Variants in AOPEP observed in about 807,000 individuals in gnomAD.
AOPEP encodes the protein aminopeptidase O.
Under a neutral mutation model 98.1 loss-of-function variants are expected in AOPEP, and 77 were observed. The observed-to-expected ratio is 0.78, with a 90% confidence interval of 0.65 to 0.95. The LOEUF (loss-of-function observed/expected upper bound fraction) is 0.95. Among genes scored for constraint, AOPEP ranks in the 40% least tolerant of loss-of-function variants. AOPEP has a pLI of 0.00. For synonymous variants in AOPEP, 346 were observed against 365.3 expected, an observed-to-expected ratio of 0.95 and a Z score of 0.60; for missense variants, 1,024 against 1,024.7, an observed-to-expected ratio of 1.00 and a Z score of 0.01.
intron 5 of AOPEP, among the ~76,000 whole-genome samples, chr9:94,916,168 C>T (rs2052761257): frequency 1.3e-5 from 2 of 152,162 alleles, no homozygotes; most frequent in Admixed American, 1.3e-4. Context: ...TTCCCTGTAT[C>T]ACAGTGGAGG....
chr9:95,127,460 C>CA, the AOPEP span: 7 of 152,354 alleles, frequency 4.6e-5, no homozygotes, highest in Non-Finnish European at 8.8e-5. Flanking sequence ...CTCAGATCAT[C>CA]AGAGGACAAC....
the AOPEP span, chr9:95,101,653 G>A: frequency 6.2e-7 from 1 of 1,608,482 alleles, no homozygotes; most frequent in East Asian, 2.2e-5. Flanking sequence ...CCTGTCCTGT[G>A]GCCCTGGCGA....
intron 5 of AOPEP, among the ~76,000 whole-genome samples, chr9:94,812,463 T>C (rs919422538): frequency 3.3e-5 from 5 of 152,144 alleles, no homozygotes; most frequent in African/African-American, 1.2e-4. Flanking sequence ...CCACTTTCTC[T>C]TTATACCCCC....
rs1837918685 is a variant in AOPEP at position 94,760,120 on chromosome 9, G to T, written c.337G>T (p.Asp113Tyr). ...AGGTGAAAAAGATACTTCTGATAAA[G>T]ATGGTAACCATGACAACCAGGAACA... ...SKGEKDTSDK[D>Y]GNHDNQEHAS... is the part of the protein sequence containing the mutation. The change falls in exon 2 of 17, where the codon GAT (aspartate) becomes TAT (tyrosine). Residue 113 changes from aspartate (D) to tyrosine (Y), a missense_variant. Physicochemically the swap from Asp to Tyr is radical, Grantham distance 160. Transcript: ENST00000375315. 2 of 1,614,196 alleles carry T rather than the reference G, an allele frequency of 1.2e-6. No individual in the cohort carries two copies. The highest frequency in any genetic ancestry group is 1.3e-5 in the African/African-American group (1 of 75,054).
At chr9:95,089,193 A>G (rs2070832376), downstream of AOPEP, among the ~76,000 whole-genome samples, 1 of 152,212 alleles carries the variant, frequency 6.6e-6, no homozygotes, top group South Asian at 2.1e-4. Context: ...AGAGGCCTCT[A>G]GATTCCAGCC....
intron 1 of AOPEP, among the ~76,000 whole-genome samples, chr9:94,748,110 G>T (rs1834926632): frequency 6.6e-6 from 1 of 151,994 alleles, no homozygotes; most frequent in African/African-American, 2.4e-5. Context: ...AAGATTTCAG[G>T]ACTAATATAT....
chr9:94,929,603 G>C (rs976687441), intron 7 of AOPEP, among the ~76,000 whole-genome samples: 2 of 152,256 alleles, frequency 1.3e-5, no homozygotes, highest in Non-Finnish European at 2.9e-5. Flanking sequence ...CGGGCCAGGA[G>C]CCAGGAGACC....
intron 1 of AOPEP, among the ~76,000 whole-genome samples, chr9:94,734,501 C>T (rs1831295356): frequency 6.6e-6 from 1 of 151,972 alleles, no homozygotes; most frequent in Non-Finnish European, 1.5e-5. Context: ...ATATACTTAA[C>T]AGCAAGAGTC....
chr9:94,889,113 C>A (rs7031637), intron 5 of AOPEP, among the ~76,000 whole-genome samples: 128,786 of 151,428 alleles, frequency 0.85, 56,443 homozygotes, highest in Non-Finnish European at 0.95. Context: ...CCTGCCTCAG[C>A]CTCCTGAGTA....
chr9:94,784,439 A>G (rs1397649426), intron 3 of AOPEP, among the ~76,000 whole-genome samples: 1 of 151,814 alleles, frequency 6.6e-6, no homozygotes, highest in African/African-American at 2.4e-5. Context: ...TGAACTGACT[A>G]CTCCTTCATG....
rs191035203 is a variant in AOPEP at position 95,001,957 on chromosome 9, T to C, written c.1978-3201T>C. ...CATGCCTGGCTGATTTTTTTTTTTT[T>C]TGTAGAGACAGGGGTCTTGCTATGT... is the stretch of plus-strand genomic sequence containing the variant. On this transcript the variant is annotated intron_variant, in intron 11 of 16. Coordinates refer to ENST00000375315, the MANE Select transcript of AOPEP (RefSeq NM_001193329.3). 8.3e-3 allele frequency among the ~76,000 whole-genome samples: 1,263 copies of C among 151,682 alleles called. 12 individuals carry two copies. Among genetic ancestry groups the C allele is most frequent in the Non-Finnish European group, 0.013 (855 of 67,898 alleles).
rs2055140513 is a variant in AOPEP at position 94,930,671 on chromosome 9, A to G, written c.1661+2140A>G. ...AGCCAGAAAAGAAGCTGAGGCAAGC[A>G]GGTGGGAGTGGCTGATGTTGGAAGC... On this transcript the variant is annotated intron_variant, in intron 7 of 16. Coordinates refer to ENST00000375315, the MANE Select transcript of AOPEP (RefSeq NM_001193329.3). This position sits in a 1 kb window ranked among gnomAD's most constrained non-coding sequence, Gnocchi z 4.5. Among the ~76,000 whole-genome samples, 1 of 152,038 alleles carries G rather than the reference A, an allele frequency of 6.6e-6. No homozygotes were observed. The highest frequency in any genetic ancestry group is 1.5e-5 in the Non-Finnish European group (1 of 68,016).
At chr9:95,086,195 C>T (rs1344567992) in intron 16 of AOPEP, 13 of 1,298,588 alleles carry the variant, frequency 1.0e-5, no homozygotes, top group East Asian at 5.4e-5. Context: ...GCGTCCACCC[C>T]GGCCCGGCGG....
chr9:95,146,974 A>G, the AOPEP span, among the ~76,000 whole-genome samples: 3 of 151,204 alleles, frequency 2.0e-5, no homozygotes, highest in African/African-American at 4.8e-5. Flanking sequence ...AAACTTTTCT[A>G]ATTTTTAAAT....
chr9:94,802,173 G>C (rs769967991), intron 5 of AOPEP, among the ~76,000 whole-genome samples: 5 of 149,998 alleles, frequency 3.3e-5, no homozygotes, highest in Admixed American at 6.6e-5. Context: ...TCTTAATGGA[G>C]GGGGGGGCTT....
chr9:95,011,494 G>A (rs1279941393), intron 13 of AOPEP, among the ~76,000 whole-genome samples: 5 of 152,178 alleles, frequency 3.3e-5, no homozygotes, highest in East Asian at 3.9e-4. Context: ...GAGCCACCGC[G>A]CACAGCTGAT....
At chr9:94,881,527 G>C (rs150989084) in intron 5 of AOPEP, among the ~76,000 whole-genome samples, 32 of 152,220 alleles carry the variant, frequency 2.1e-4, no homozygotes, top group African/African-American at 7.2e-4. Context: ...GTAGTCTTTT[G>C]GGTTTTTTCT....
At chr9:94,768,226 C>T (rs34940574) in intron 2 of AOPEP, among the ~76,000 whole-genome samples, 33,037 of 151,950 alleles carry the variant, frequency 0.22, 5,059 homozygotes, top group African/African-American at 0.43. Context: ...CATGGGGCCA[C>T]TGTGGGCTCA....
intron 1 of AOPEP, among the ~76,000 whole-genome samples, chr9:94,735,576 G>A (rs1168283687): frequency 1.3e-5 from 2 of 152,148 alleles, no homozygotes; most frequent in African/African-American, 2.4e-5. Context: ...AACCTGCAAC[G>A]TTGTTTATTG....
Sources: gnomAD v4.1 joint callset for allele counts (sites outside exome capture counted in the v4.1 genomes callset) on GRCh38, gnomAD v4.1.1 for gene constraint, Gnocchi (gnomAD v3.1) non-coding constraint, MANE v1.5 for transcripts, NCBI Gene and HGNC (gene_info 2026-07-23, HGNC 2026-07-21) for gene names.